CACNA1B: variants seen among roughly 807,000 people sequenced by gnomAD.
The protein encoded by CACNA1B is calcium voltage-gated channel subunit alpha1 B, also known as voltage-dependent N-type calcium channel subunit alpha-1B.
Under a neutral mutation model 247.2 loss-of-function variants are expected in CACNA1B, and 70 were observed. That is an observed-to-expected ratio of 0.28 (90% confidence interval 0.23 to 0.35). CACNA1B has a LOEUF of 0.35. Among genes scored for constraint, CACNA1B ranks in the 10% least tolerant of loss-of-function variants. The pLI is 1.00. For missense variants in CACNA1B, 2,367 were observed against 3,197.4 expected, an observed-to-expected ratio of 0.74 and a Z score of 6.26; for synonymous variants, 1,231 against 1,294.4, an observed-to-expected ratio of 0.95 and a Z score of 1.05.
intron 39 of CACNA1B, among the ~76,000 whole-genome samples, chr9:138,108,907 C>T (rs1961531076): frequency 6.6e-6 from 1 of 152,208 alleles, no homozygotes; most frequent in Non-Finnish European, 1.5e-5. Context: ...TCTCAGCCTC[C>T]TCCCAAAGTG....
Position 138,120,802 on chromosome 9 carries a change from A to G in CACNA1B, c.6410A>G (p.Glu2137Gly). The G allele has an allele frequency of 6.4e-7, 1 of 1,557,754 alleles. No homozygotes were observed. Among genetic ancestry groups the G allele is most frequent in the South Asian group, 1.2e-5 (1 of 84,472 alleles). The change falls in exon 46 of 47, where the codon GAG (glutamate) becomes GGG (glycine). Residue 2137 changes from glutamate (E) to glycine (G), a missense_variant. Physicochemically the swap from Glu to Gly is moderately conservative, Grantham distance 98. Transcript: ENST00000371372. ...FYSCDRFGGR[E>G]PPKPKPSLSS... ...TCCTGCGACCGCTTTGGGGGCCGTG[A>G]GCCCCCGAAGCCCAAGCCCTCCCTC... is the stretch of plus-strand genomic sequence containing the variant.
chr9:137,990,941 A>G lies in CACNA1B; in HGVS notation c.1974+4087A>G, dbSNP rs930870655. ...CAAGGGAGCACCCCCAAGATAAGAG[A>G]ACAGCAGCCCTTGAGTCGCAGATCT... On this transcript the variant is annotated intron_variant, in intron 15 of 46. Coordinates refer to ENST00000371372, the MANE Select transcript of CACNA1B (RefSeq NM_000718.4). The surrounding 1 kb of genome is among the most constrained non-coding windows in gnomAD (Gnocchi z 4.5). 1.3e-5 allele frequency among the ~76,000 whole-genome samples: 2 copies of G among 152,210 alleles called. No individual in the cohort carries two copies. Among genetic ancestry groups the G allele is most frequent in the South Asian group, 2.1e-4 (1 of 4,828 alleles).
In CACNA1B at chr9:138,111,952, T is replaced by TTA. The variant is rs1194843005; in HGVS notation, c.5429-445_5429-444dup. Among the ~76,000 whole-genome samples the TTA allele has an allele frequency of 1.8e-3, 277 of 152,174 alleles. 1 individual carries two copies. Among genetic ancestry groups the TTA allele is most frequent in the African/African-American group, 6.4e-3 (265 of 41,500 alleles). ...TCTCCGGTACACTTTTTTTTTTTTT[T>TTA]TACTTATTACTGCTTTATTGGTAGA... On this transcript the variant is annotated intron_variant, in intron 39 of 46. Transcript: ENST00000371372.
At chr9:138,070,920 G>A (rs1266113820) in intron 32 of CACNA1B, among the ~76,000 whole-genome samples, 1 of 152,254 alleles carries the variant, frequency 6.6e-6, no homozygotes, top group African/African-American at 2.4e-5. Flanking sequence ...TTGTCCTCTG[G>A]TGTGGTAGCT....
chr9:138,006,002 C>T (rs1330756821), intron 15 of CACNA1B, among the ~76,000 whole-genome samples: 2 of 144,588 alleles, frequency 1.4e-5, no homozygotes, highest in African/African-American at 2.6e-5. Flanking sequence ...GAGATTGCAC[C>T]ACTGCACTCC....
intron 3 of CACNA1B, among the ~76,000 whole-genome samples, chr9:137,902,063 C>T (rs1319589716): frequency 6.6e-6 from 1 of 152,142 alleles, no homozygotes; most frequent in Non-Finnish European, 1.5e-5. Flanking sequence ...GTTTTATATC[C>T]AGCTCTTGTT....
Position 137,965,139 on chromosome 9 carries a change from C to T in CACNA1B, c.1334-6244C>T, listed in dbSNP as rs572663693. Among the ~76,000 whole-genome samples the T allele has an allele frequency of 3.0e-4, 46 of 152,268 alleles. 1 individual carries two copies. Among genetic ancestry groups the T allele is most frequent in the Admixed American group, 2.9e-3 (45 of 15,306 alleles). ...GTGCCTGTAGGAGGTGGCTGGAGACCCCAGTTGGGAGGTCTTACCCAGTCA... is the reference window on the plus strand; with the variant it reads ...GTGCCTGTAGGAGGTGGCTGGAGACTCCAGTTGGGAGGTCTTACCCAGTCA... On this transcript the variant is annotated intron_variant, in intron 10 of 46. Transcript: ENST00000371372.
chr9:137,966,556 T>C (rs915000734), intron 10 of CACNA1B, among the ~76,000 whole-genome samples: 1 of 146,928 alleles, frequency 6.8e-6, no homozygotes, highest in African/African-American at 2.5e-5. Context: ...ATTTTTTTAA[T>C]GAGACGGAGT....
In CACNA1B at chr9:137,955,215, C is replaced by T. The variant is rs940896973; in HGVS notation, c.1071-483C>T. Among the ~76,000 whole-genome samples, 7 of 152,194 alleles carry T rather than the reference C, an allele frequency of 4.6e-5. No homozygotes were observed. The highest frequency in any genetic ancestry group is 1.7e-4 in the African/African-American group (7 of 41,440). On this transcript the variant is annotated intron_variant, in intron 7 of 46. Transcript: ENST00000371372. This position sits in a 1 kb window ranked among gnomAD's most constrained non-coding sequence, Gnocchi z 6.9. ...CTTCCCTGTCCCTGTCTGTCCCTCC[C>T]ACTTCCCACAGAGGCTTTGCATCTG...
intron 20 of CACNA1B, among the ~76,000 whole-genome samples, chr9:138,027,088 T>A (rs1053665704): frequency 4.6e-5 from 7 of 152,262 alleles, no homozygotes; most frequent in Non-Finnish European, 8.8e-5. Flanking sequence ...CCTATTCAAA[T>A]CTTTTACCCA....
At chr9:137,953,709 C>G (rs1416659583) in intron 7 of CACNA1B, among the ~76,000 whole-genome samples, 3 of 152,170 alleles carry the variant, frequency 2.0e-5, no homozygotes, top group African/African-American at 7.2e-5. Flanking sequence ...GGAGGAGGGT[C>G]TTTCAGGCAG....
intron 36 of CACNA1B, among the ~76,000 whole-genome samples, chr9:138,079,874 CA>C (rs145080243): frequency 0.012 from 1,374 of 115,900 alleles, 9 homozygotes; most frequent in East Asian, 0.026. Flanking sequence ...GACTCTGTCT[CA>C]AAAAAAAAAA....
At chr9:138,109,329 G>T (rs574548726) in intron 39 of CACNA1B, among the ~76,000 whole-genome samples, 1 of 152,154 alleles carries the variant, frequency 6.6e-6, no homozygotes. Flanking sequence ...TAGCTTGCTC[G>T]GGCTGCCCCA....
At position 138,010,282 on chromosome 9, in the gene CACNA1B, G is replaced by T. The variant is rs1958707550; in HGVS notation, c.2160+205G>T. ...CCAAAGCCCCGAAGGCAGATGGACA[G>T]GCAGGCTCTCAGGGAAGCCAGCACA... On this transcript the variant is annotated intron_variant, in intron 17 of 46. Transcript: ENST00000371372. This position sits in a 1 kb window ranked among gnomAD's most constrained non-coding sequence, Gnocchi z 5.3. Among the ~76,000 whole-genome samples the T allele has an allele frequency of 6.6e-6, 1 of 152,190 alleles. No homozygotes were observed. The highest frequency in any genetic ancestry group is 1.5e-5 in the Non-Finnish European group (1 of 68,016).
intron 39 of CACNA1B, among the ~76,000 whole-genome samples, chr9:138,109,824 A>G (rs1197721372): frequency 6.6e-6 from 1 of 152,170 alleles, no homozygotes; most frequent in East Asian, 1.9e-4. Flanking sequence ...TAATTCCAAC[A>G]CTTTGGGAGG....
chr9:138,080,128 A>G (rs558674864), intron 36 of CACNA1B, among the ~76,000 whole-genome samples: 2 of 152,328 alleles, frequency 1.3e-5, no homozygotes, highest in African/African-American at 4.8e-5. Flanking sequence ...TTCTCTAGCC[A>G]CATTCACTCC....
intron 37 of CACNA1B, among the ~76,000 whole-genome samples, chr9:138,099,196 T>TG (rs1197014833): frequency 2.6e-5 from 4 of 152,252 alleles, no homozygotes; most frequent in Non-Finnish European, 1.5e-5. Context: ...TGTGACCACA[T>TG]GTGCACTCTG....
In CACNA1B at chr9:138,006,892, T is replaced by C. The variant is rs199784241; in HGVS notation, c.2092+8T>C. 1 of 1,459,614 alleles carries C rather than the reference T, an allele frequency of 6.9e-7. No homozygotes were observed. The highest frequency in any genetic ancestry group is 9.6e-7 in the Non-Finnish European group (1 of 1,041,690). 90.4% of individuals were successfully genotyped at this position (1,459,614 alleles called of 1,614,324 possible). On this transcript the variant is annotated splice_region_variant and intron_variant, in intron 16 of 46. Coordinates refer to ENST00000371372, the MANE Select transcript of CACNA1B (RefSeq NM_000718.4). ...TGACACTGTTCGGAAACTGTATCCT[T>C]CTGTGGGGCTGGGGCAGAGGGTGGT...
chr9:137,878,252 G>A lies in CACNA1B; in HGVS notation c.284+35G>A, dbSNP rs527387589. ...CGGGCGGGGCCGGGCGGGGCCGGGC[G>A]GGGACCGGGGTGGGGGCCGGGGCCG... is the stretch of plus-strand genomic sequence containing the variant. On this transcript the variant is annotated intron_variant, in intron 1 of 46. Coordinates refer to ENST00000371372, the MANE Select transcript of CACNA1B (RefSeq NM_000718.4). 10 of 1,195,836 alleles carry A rather than the reference G, an allele frequency of 8.4e-6. No homozygotes were observed. In the African/African-American group the frequency reaches 1.6e-4, roughly 19 times the overall value. 74.1% of individuals were successfully genotyped at this position (1,195,836 alleles called of 1,614,324 possible).
Sources: allele counts gnomAD v4.1 joint callset (sites outside exome capture counted in the v4.1 genomes callset), GRCh38; gene constraint gnomAD v4.1.1; non-coding constraint Gnocchi (gnomAD v3.1); transcripts MANE v1.5; gene names NCBI Gene and HGNC (gene_info 2026-07-23, HGNC 2026-07-21).